The following ANKIB1 variants were observed in gnomAD, a reference collection of about 807,000 sequenced individuals.
ANKIB1 encodes the protein ankyrin repeat and IBR domain containing 1.
ANKIB1 carries 43 observed loss-of-function variants against 122.1 expected under a neutral mutation model. That is an observed-to-expected ratio of 0.35 (90% CI 0.28 to 0.45). The LOEUF is 0.45. ANKIB1 is among the 20% of genes least tolerant of loss of function. The probability of loss-of-function intolerance (pLI) is 1.00; values close to 1 mark genes in which losing one functional copy is unlikely to be tolerated. For missense variants in ANKIB1, 992 were observed against 1,329.5 expected, an observed-to-expected ratio of 0.75 and a Z score of 3.95; for synonymous variants, 390 against 442.0, an observed-to-expected ratio of 0.88 and a Z score of 1.48.
At chr7:92,292,157 G>A (rs1802263489) in intron 1 of ANKIB1, among the ~76,000 whole-genome samples, 2 of 152,172 alleles carry the variant, frequency 1.3e-5, no homozygotes, top group Admixed American at 1.3e-4. Flanking sequence ...GATACATGTG[G>A]CAAATTTCTA....
chr7:92,375,607 A>G (rs1178480343), intron 11 of ANKIB1, among the ~76,000 whole-genome samples: 1 of 152,158 alleles, frequency 6.6e-6, no homozygotes, highest in Non-Finnish European at 1.5e-5. Context: ...TTTCTACCAC[A>G]TCTGAGGTTA....
At chr7:92,282,384 T>G (rs534251340) in intron 1 of ANKIB1, among the ~76,000 whole-genome samples, 1 of 152,110 alleles carries the variant, frequency 6.6e-6, no homozygotes, top group South Asian at 2.1e-4. Context: ...TGCCAAGCAA[T>G]CCACCTACCT....
At position 92,333,702 on chromosome 7, in the gene ANKIB1, A is replaced by G. The variant is rs138437092; in HGVS notation, c.787+5802A>G. 2.0e-5 allele frequency among the ~76,000 whole-genome samples: 3 copies of G among 152,348 alleles called. No individual in the cohort carries two copies. In the East Asian group the frequency reaches 5.8e-4, roughly 29 times the overall value. On this transcript the variant is annotated intron_variant, in intron 5 of 19. Coordinates refer to ENST00000265742, the MANE Select transcript of ANKIB1 (RefSeq NM_019004.2). The stretch of plus-strand genomic sequence containing the variant: ...TCATTGTATGCCCGCTACCTGACAT[A>G]GTGGATGGGACATAAAAGGTATTCA...
intron 1 of ANKIB1, among the ~76,000 whole-genome samples, chr7:92,284,005 G>A (rs1299007494): frequency 1.3e-5 from 2 of 152,170 alleles, no homozygotes; most frequent in African/African-American, 4.8e-5. Flanking sequence ...TCCTGACCTC[G>A]TGATCTGCCT....
intron 9 of ANKIB1, among the ~76,000 whole-genome samples, chr7:92,356,538 T>C (rs1803816978): frequency 6.6e-6 from 1 of 152,190 alleles, no homozygotes; most frequent in Non-Finnish European, 1.5e-5. Flanking sequence ...TAAATGCCAC[T>C]TGAGGGTTCA....
chr7:92,365,796 T>TC (rs1804062217), intron 10 of ANKIB1, among the ~76,000 whole-genome samples: 1 of 57,836 alleles, frequency 1.7e-5, no homozygotes, highest in Admixed American at 1.6e-4. Context: ...ATCTTTTTTT[T>TC]TTTTTTTTTT....
chr7:92,357,732 C>CAAA (rs961949515), intron 9 of ANKIB1, among the ~76,000 whole-genome samples: 1 of 75,054 alleles, frequency 1.3e-5, no homozygotes, highest in Admixed American at 1.6e-4. Flanking sequence ...AAGACTCTCT[C>CAAA]AAAAAAAAAA....
chr7:92,304,086 A>G (rs1404402803), intron 2 of ANKIB1, among the ~76,000 whole-genome samples: 5 of 152,076 alleles, frequency 3.3e-5, no homozygotes, highest in South Asian at 2.1e-4. Flanking sequence ...AAAAAAACCC[A>G]TAACTACTAA....
chr7:92,280,314 C>A (rs1457667982), intron 1 of ANKIB1, among the ~76,000 whole-genome samples: 1 of 152,098 alleles, frequency 6.6e-6, no homozygotes, highest in African/African-American at 2.4e-5. Flanking sequence ...TATTTAAACT[C>A]CTAGCAGTAA....
In ANKIB1 at chr7:92,390,088, C is replaced by T. The variant is rs770079421; in HGVS notation, c.2024C>T (p.Thr675Ile). ...GGATTTTTCTTGGAACCTAAAAGCACAAAGAAAGAAATTTTTGAACTAATG... is the reference window on the plus strand; with the variant it reads ...GGATTTTTCTTGGAACCTAAAAGCATAAAGAAAGAAATTTTTGAACTAATG... Reference protein sequence around the residue: ...PYGFFLEPKSTKKEIFELMQT... With the variant: ...PYGFFLEPKSIKKEIFELMQT... Residue 675 changes from threonine to isoleucine, a missense_variant, in exon 15 of 20, where the codon ACA (threonine) becomes ATA (isoleucine). This residue lies in a region of ANKIB1 where 521 missense variants were observed against 777.7 expected (regional missense o/e 0.67). Transcript: ENST00000265742. The T allele has an allele frequency of 6.3e-7, 1 of 1,584,204 alleles. No individual in the cohort carries two copies. Among genetic ancestry groups the T allele is most frequent in the Non-Finnish European group, 8.5e-7 (1 of 1,170,204 alleles).
chr7:92,296,525 G>A (rs567242657), intron 2 of ANKIB1, among the ~76,000 whole-genome samples: 62 of 152,196 alleles, frequency 4.1e-4, no homozygotes, highest in South Asian at 1.9e-3. Context: ...TCAAGATCCT[G>A]TGTGTGCCAC....
At chr7:92,276,111 G>A (rs10239410) in intron 1 of ANKIB1, among the ~76,000 whole-genome samples, 164 of 152,142 alleles carry the variant, frequency 1.1e-3, no homozygotes, top group African/African-American at 2.9e-3. Flanking sequence ...GTCTCATTAC[G>A]TCTCATTTAG....
intron 5 of ANKIB1, among the ~76,000 whole-genome samples, chr7:92,337,252 G>A (rs1468975778): frequency 6.6e-6 from 1 of 152,158 alleles, no homozygotes; most frequent in Non-Finnish European, 1.5e-5. Context: ...ATAGATTGTT[G>A]CAATGCATCA....
intron 1 of ANKIB1, among the ~76,000 whole-genome samples, chr7:92,279,247 C>T (rs1322186700): frequency 6.6e-6 from 1 of 152,168 alleles, no homozygotes; most frequent in African/African-American, 2.4e-5. Context: ...AGGCCATGGA[C>T]AGGTACCAGG....
rs192052260 is a variant in ANKIB1 at position 92,273,160 on chromosome 7, T to C, written c.-90-21729T>C. 7.9e-4 allele frequency among the ~76,000 whole-genome samples: 121 copies of C among 152,296 alleles called. 1 individual carries two copies. Among genetic ancestry groups the C allele is most frequent in the Non-Finnish European group, 7.4e-5 (5 of 68,026 alleles). ...CAGGAAAGTCAAGAAAGACAATTTATGTATTAGTTAGAATGCCTTCAAATT... is the reference window on the plus strand; with the variant it reads ...CAGGAAAGTCAAGAAAGACAATTTACGTATTAGTTAGAATGCCTTCAAATT... On this transcript the variant is annotated intron_variant, in intron 1 of 19. Transcript: ENST00000265742.
intron 2 of ANKIB1, among the ~76,000 whole-genome samples, chr7:92,304,255 A>C (rs1477627302): frequency 2.0e-5 from 3 of 152,194 alleles, no homozygotes; most frequent in Non-Finnish European, 4.4e-5. Context: ...GTTTTAGCAT[A>C]AAATATTTAT....
chr7:92,362,214 G>A lies in ANKIB1; in HGVS notation c.1427G>A (p.Cys476Tyr). The A allele has an allele frequency of 6.2e-7, 1 of 1,601,144 alleles. No homozygotes were observed. ...TGCCTTGGTGAAGCACATGAGCCTT[G>A]TGACTGCCAAACATGGAAGAATTGG... ...WECLGEAHEP[C>Y]DCQTWKNWLQ... Residue 476 changes from cysteine to tyrosine, a missense_variant, in exon 10 of 20, where the codon TGT becomes TAT. Cys to Tyr is a radical substitution (Grantham distance 194). Transcript: ENST00000265742.
chr7:92,317,311 C>T (rs1330300028), intron 3 of ANKIB1, among the ~76,000 whole-genome samples: 1 of 152,018 alleles, frequency 6.6e-6, no homozygotes, highest in Non-Finnish European at 1.5e-5. Flanking sequence ...GAGGCCTGGG[C>T]TTGGAGGGGT....
chr7:92,315,134 T>A (rs1802769306), intron 3 of ANKIB1, among the ~76,000 whole-genome samples: 1 of 152,184 alleles, frequency 6.6e-6, no homozygotes, highest in Non-Finnish European at 1.5e-5. Context: ...TAGAGTAAAA[T>A]TAATTAACTT....
Sources: allele counts gnomAD v4.1 joint callset (sites outside exome capture counted in the v4.1 genomes callset), GRCh38; gene constraint gnomAD v4.1.1; regional missense constraint gnomAD v4.1.1; transcripts MANE v1.5; gene names NCBI Gene and HGNC (gene_info 2026-07-23, HGNC 2026-07-21).